Variants in KCNMA1 observed in about 807,000 individuals in gnomAD.
The protein encoded by KCNMA1 is Calcium-activated potassium channel subunit alpha-1.
Under a neutral mutation model 140.0 loss-of-function variants are expected in KCNMA1, and 29 were observed. The ratio of observed to expected loss-of-function variants is 0.21; its 90% CI spans 0.15 to 0.28. The LOEUF (loss-of-function observed/expected upper bound fraction) is 0.28, where lower values mean the gene tolerates loss of function less well. Among genes scored for constraint, KCNMA1 ranks in the 10% least tolerant of loss-of-function variants. KCNMA1 has a pLI of 1.00. For missense variants in KCNMA1, 880 were observed against 1,602.2 expected, an observed-to-expected ratio of 0.55 and a Z score of 7.70; for synonymous variants, 612 against 611.9, an observed-to-expected ratio of 1.00 and a Z score of 0.00.
At chr10:77,568,972 A>T (rs1265248632) in intron 1 of KCNMA1, among the ~76,000 whole-genome samples, 1 of 143,140 alleles carries the variant, frequency 7.0e-6, no homozygotes, top group East Asian at 2.1e-4. Context: ...TCATGAGTGA[A>T]CTCCCATTCA....
At chr10:76,974,775 TC>T (rs1426480280) in intron 19 of KCNMA1, among the ~76,000 whole-genome samples, 3 of 152,168 alleles carry the variant, frequency 2.0e-5, no homozygotes, top group Admixed American at 6.5e-5. Context: ...GTCATCTGTA[TC>T]AGTAGGGATA....
intron 2 of KCNMA1, among the ~76,000 whole-genome samples, chr10:77,360,447 G>T (rs1476386559): frequency 1.3e-5 from 2 of 152,204 alleles, no homozygotes; most frequent in East Asian, 3.9e-4. Context: ...CCAAACTGAT[G>T]AAGCCATCCT....
At chr10:76,989,812 A>AG (rs1468883559) in intron 19 of KCNMA1, among the ~76,000 whole-genome samples, 1 of 151,720 alleles carries the variant, frequency 6.6e-6, no homozygotes, top group Non-Finnish European at 1.5e-5. Flanking sequence ...GTCATTTGAA[A>AG]AAAAAAAAAG....
chr10:77,479,961 G>A (rs189045343), intron 1 of KCNMA1, among the ~76,000 whole-genome samples: 1 of 152,288 alleles, frequency 6.6e-6, no homozygotes, highest in African/African-American at 2.4e-5. Context: ...GCCTGGTGAT[G>A]TCTTCAGTAC....
At chr10:77,161,640 A>G (rs954564514) in intron 5 of KCNMA1, among the ~76,000 whole-genome samples, 6 of 152,204 alleles carry the variant, frequency 3.9e-5, no homozygotes, top group Admixed American at 6.5e-5. Flanking sequence ...CTATCCTATT[A>G]AGCTGAATTC....
At chr10:77,240,477 C>T (rs1244474836) in intron 3 of KCNMA1, among the ~76,000 whole-genome samples, 2 of 152,160 alleles carry the variant, frequency 1.3e-5, no homozygotes, top group African/African-American at 4.8e-5. Context: ...GGGTTAAGAA[C>T]GTTTCCTGGC....
chr10:76,978,915 C>T (rs551022535), intron 19 of KCNMA1, among the ~76,000 whole-genome samples: 2 of 152,214 alleles, frequency 1.3e-5, no homozygotes, highest in South Asian at 4.2e-4. Context: ...TCTGTTCATC[C>T]TGGATTTTTT....
At chr10:77,128,923 G>A (rs1456468432) in intron 5 of KCNMA1, among the ~76,000 whole-genome samples, 1 of 152,130 alleles carries the variant, frequency 6.6e-6, no homozygotes, top group African/African-American at 2.4e-5. Flanking sequence ...CTAAGCTATC[G>A]TCAATGCTGT....
At chr10:76,990,195 G>A (rs1049550832) in intron 19 of KCNMA1, among the ~76,000 whole-genome samples, 2 of 152,172 alleles carry the variant, frequency 1.3e-5, no homozygotes, top group South Asian at 2.1e-4. Flanking sequence ...TTGGTGCCTT[G>A]AGAAGCACAA....
At chr10:77,143,303 T>A (rs906467246) in intron 5 of KCNMA1, among the ~76,000 whole-genome samples, 2 of 152,064 alleles carry the variant, frequency 1.3e-5, no homozygotes, top group Admixed American at 1.3e-4. Context: ...TTCACCACAT[T>A]GAAAAATTAA....
At chr10:77,270,688 ATTT>A (rs10584189) in intron 2 of KCNMA1, among the ~76,000 whole-genome samples, 33,009 of 145,916 alleles carry the variant, frequency 0.23, 3,852 homozygotes, top group Admixed American at 0.27. Context: ...CACCTAGCTA[ATTT>A]TTTTTTTTTT....
intron 1 of KCNMA1, chr10:77,635,691 A>C (rs1358410053): frequency 6.6e-6 from 1 of 152,238 alleles, no homozygotes; most frequent in African/African-American, 2.4e-5. Context: ...CCTCCTTAAC[A>C]AATAAGAAGA....
At chr10:77,094,219 T>C (rs1326933903) in intron 9 of KCNMA1, among the ~76,000 whole-genome samples, 1 of 152,150 alleles carries the variant, frequency 6.6e-6, no homozygotes, top group African/African-American at 2.4e-5. Flanking sequence ...GCCTGAGTCT[T>C]TTCAGGTAAC....
At chr10:77,365,718 C>G (rs565885473) in intron 2 of KCNMA1, among the ~76,000 whole-genome samples, 1 of 152,146 alleles carries the variant, frequency 6.6e-6, no homozygotes, top group East Asian at 1.9e-4. Flanking sequence ...GTGAACTTGC[C>G]GCTGACTTCC....
intron 1 of KCNMA1, among the ~76,000 whole-genome samples, chr10:77,520,073 AGTGTGAGG>A (rs1473093163): frequency 8.2e-5 from 10 of 122,644 alleles, no homozygotes; most frequent in African/African-American, 2.8e-4. Flanking sequence ...GAGGGTGTGC[AGTGTGAGG>A]TCTGGAGTAT....
At chr10:76,910,813 A>G (rs1245094623) in intron 24 of KCNMA1, 1 of 155,578 alleles carries the variant, frequency 6.4e-6, no homozygotes, top group Non-Finnish European at 1.4e-5. Flanking sequence ...AATCTTTTAT[A>G]TGCTTGCATT....
intron 2 of KCNMA1, among the ~76,000 whole-genome samples, chr10:77,259,544 CT>C (rs1243011049): frequency 2.0e-5 from 3 of 152,146 alleles, no homozygotes; most frequent in African/African-American, 7.2e-5. Flanking sequence ...AAGCTCTGGT[CT>C]TTTCCTCCTC....
intron 3 of KCNMA1, among the ~76,000 whole-genome samples, chr10:77,213,999 C>A (rs1174319668): frequency 6.6e-6 from 1 of 152,124 alleles, no homozygotes; most frequent in Non-Finnish European, 1.5e-5. Flanking sequence ...CCTTGTCCAG[C>A]CTAATTCCCA....
At chr10:76,903,206 A>G (rs1232795390) in intron 25 of KCNMA1, 2 of 152,260 alleles carry the variant, frequency 1.3e-5, no homozygotes, top group African/African-American at 4.8e-5. Context: ...TTTTTAAAGT[A>G]TAATTACCGG....
Sources: gnomAD v4.1 joint callset for allele counts (sites outside exome capture counted in the v4.1 genomes callset) on GRCh38, gnomAD v4.1.1 for gene constraint, MANE v1.5 for transcripts, NCBI Gene and HGNC (gene_info 2026-07-23, HGNC 2026-07-21) for gene names.